CDH4: variants seen among roughly 807,000 people sequenced by gnomAD.
CDH4 encodes cadherin 4, also known as cadherin-4.
In CDH4, 33 loss-of-function variants were observed where a neutral mutation model predicts 86.0. The ratio of observed to expected loss-of-function variants is 0.38; its 90% confidence interval spans 0.29 to 0.51. The LOEUF is 0.51. Ranked by LOEUF, CDH4 falls within the 20% of genes least tolerant of loss-of-function variation. The pLI is 0.86. For synonymous variants in CDH4, 555 were observed against 549.4 expected, an observed-to-expected ratio of 1.01 and a Z score of -0.14; for missense variants, 1,114 against 1,307.4, an observed-to-expected ratio of 0.85 and a Z score of 2.28.
intron 13 of CDH4, among the ~76,000 whole-genome samples, chr20:61,930,469 A>G (rs6061903): frequency 0.42 from 63,285 of 151,866 alleles, 13,657 homozygotes; most frequent in Middle Eastern, 0.47. Flanking sequence ...ATGGACAGTC[A>G]CCGTGGTCTG....
chr20:61,627,761 G>A (rs2086843153), intron 2 of CDH4, among the ~76,000 whole-genome samples: 3 of 152,012 alleles, frequency 2.0e-5, no homozygotes, highest in Non-Finnish European at 4.4e-5. Context: ...ACGGCCTGGT[G>A]CAGGATCCCT....
intron 2 of CDH4, among the ~76,000 whole-genome samples, chr20:61,424,129 CCA>C (rs1447552014): frequency 1.1e-4 from 16 of 151,964 alleles, no homozygotes; most frequent in East Asian, 5.8e-4. Context: ...ACACATGTAT[CCA>C]CACACAGCAC....
chr20:61,503,468 G>A (rs1277353885), intron 2 of CDH4, among the ~76,000 whole-genome samples: 1 of 152,246 alleles, frequency 6.6e-6, no homozygotes, highest in East Asian at 1.9e-4. Flanking sequence ...CCAGATGTTT[G>A]TCCGGCATGA....
In CDH4 at chr20:61,934,223, G is replaced by A. The variant is rs748479621; in HGVS notation, c.2544+3G>A. ...ACATCGGTGACTTCATCAATGAGGTGTGTGCCTCTCGGCAGTGGGGGGCCC... is the reference window on the plus strand; with the variant it reads ...ACATCGGTGACTTCATCAATGAGGTATGTGCCTCTCGGCAGTGGGGGGCCC... On this transcript the variant is annotated splice_donor_region_variant and intron_variant, in intron 15 of 15. Coordinates refer to ENST00000614565, the MANE Select transcript of CDH4 (RefSeq NM_001794.5). 6.5e-6 allele frequency: 10 copies of A among 1,542,822 alleles called. No homozygotes were observed. Among genetic ancestry groups the A allele is most frequent in the Non-Finnish European group, 8.8e-6 (10 of 1,141,146 alleles).
intron 7 of CDH4, among the ~76,000 whole-genome samples, chr20:61,886,383 G>A (rs905036762): frequency 1.6e-4 from 25 of 152,230 alleles, no homozygotes; most frequent in African/African-American, 5.8e-4. Context: ...TGAGCTATGG[G>A]GAGGTGAGCA....
At chr20:61,258,359 G>GAAAAAAAAA (rs2084112327) in intron 2 of CDH4, among the ~76,000 whole-genome samples, 5 of 96,814 alleles carry the variant, frequency 5.2e-5, no homozygotes, top group African/African-American at 1.5e-4. Context: ...AAAAAAAAAA[G>GAAAAAAAAA]AAAGAGGAGC....
At chr20:61,566,224 T>C (rs1274404947) in intron 2 of CDH4, among the ~76,000 whole-genome samples, 1 of 152,240 alleles carries the variant, frequency 6.6e-6, no homozygotes, top group East Asian at 1.9e-4. Context: ...GCTGTCCTGC[T>C]GTTTCCCACC....
At chr20:61,554,431 T>G (rs2086158543) in intron 2 of CDH4, among the ~76,000 whole-genome samples, 1 of 151,964 alleles carries the variant, frequency 6.6e-6, no homozygotes, top group African/African-American at 2.4e-5. Flanking sequence ...GACCCAAGAG[T>G]CCAAGCCCTA....
At chr20:61,431,926 A>C (rs1053535955) in intron 2 of CDH4, among the ~76,000 whole-genome samples, 9 of 152,082 alleles carry the variant, frequency 5.9e-5, no homozygotes, top group Admixed American at 3.3e-4. Context: ...TCTTGCACCG[A>C]TACATGGATG....
chr20:61,317,962 A>G (rs79080929), intron 2 of CDH4, among the ~76,000 whole-genome samples: 3,620 of 152,326 alleles, frequency 0.024, 109 homozygotes, highest in East Asian at 0.14. Context: ...GTGCACACTT[A>G]TTGGAGGAAA....
intron 2 of CDH4, among the ~76,000 whole-genome samples, chr20:61,432,527 A>G (rs1417975956): frequency 2.6e-5 from 4 of 152,120 alleles, no homozygotes; most frequent in Non-Finnish European, 5.9e-5. Context: ...TATATATTCT[A>G]GATATAATTT....
intron 2 of CDH4, among the ~76,000 whole-genome samples, chr20:61,420,073 G>C (rs1246294150): frequency 1.3e-5 from 2 of 152,210 alleles, no homozygotes; most frequent in Non-Finnish European, 2.9e-5. Flanking sequence ...GGGACCCCCT[G>C]ATGATGCCAG....
intron 2 of CDH4, among the ~76,000 whole-genome samples, chr20:61,590,500 T>C (rs2086510605): frequency 6.6e-6 from 1 of 152,048 alleles, no homozygotes; most frequent in Non-Finnish European, 1.5e-5. Context: ...TTGACAAGAG[T>C]CTTTCTTCTT....
chr20:61,783,285 T>C (rs1201149878), intron 4 of CDH4, among the ~76,000 whole-genome samples: 1 of 152,232 alleles, frequency 6.6e-6, no homozygotes, highest in African/African-American at 2.4e-5. Flanking sequence ...CTAGGGTCGA[T>C]GGTTTAAACT....
chr20:61,621,110 G>A (rs754099733), intron 2 of CDH4, among the ~76,000 whole-genome samples: 10 of 152,344 alleles, frequency 6.6e-5, no homozygotes, highest in South Asian at 2.1e-4. Flanking sequence ...AGATGGCGCC[G>A]TCAGTATTTC....
chr20:61,839,821 TGTG>T (rs1982072575), intron 4 of CDH4, among the ~76,000 whole-genome samples: 1 of 151,888 alleles, frequency 6.6e-6, no homozygotes, highest in African/African-American at 2.4e-5. Context: ...ACATGTGTGT[TGTG>T]TGTCTGTGTG....
intron 2 of CDH4, among the ~76,000 whole-genome samples, chr20:61,630,185 A>T (rs76636941): frequency 1.3e-5 from 2 of 152,184 alleles, no homozygotes; most frequent in Middle Eastern, 3.2e-3. Flanking sequence ...CAGCCAGCCC[A>T]GTCAGGCGTC....
At chr20:61,256,821 G>A (rs1050635284) in intron 2 of CDH4, among the ~76,000 whole-genome samples, 3 of 152,216 alleles carry the variant, frequency 2.0e-5, no homozygotes, top group Non-Finnish European at 2.9e-5. Context: ...CTTCTCCTGC[G>A]CCTGTGTGGG....
intron 6 of CDH4, among the ~76,000 whole-genome samples, chr20:61,856,259 T>A (rs1982998493): frequency 6.6e-6 from 1 of 152,106 alleles, no homozygotes; most frequent in Non-Finnish European, 1.5e-5. Context: ...AATGGAAAGA[T>A]GGGTTAAATA....
Sources: gnomAD v4.1 joint callset for allele counts (sites outside exome capture counted in the v4.1 genomes callset) on GRCh38, gnomAD v4.1.1 for gene constraint, MANE v1.5 for transcripts, NCBI Gene and HGNC (gene_info 2026-07-23, HGNC 2026-07-21) for gene names.